SEMA3A: variants seen among roughly 807,000 people sequenced by gnomAD.
The protein encoded by SEMA3A is semaphorin 3A.
Under a neutral mutation model 97.9 loss-of-function variants are expected in SEMA3A, and 29 were observed. The ratio of observed to expected loss-of-function variants is 0.30; its 90% CI spans 0.22 to 0.40. The LOEUF (loss-of-function observed/expected upper bound fraction) is 0.40, where lower values mean the gene tolerates loss of function less well. SEMA3A is among the 10% of genes least tolerant of loss of function. The pLI is 1.00. For missense variants in SEMA3A, 763 were observed against 951.3 expected (o/e 0.80, Z 2.60); for synonymous variants, 321 against 323.7 (o/e 0.99, Z 0.09).
At chr7:84,157,687 T>A (rs1024846080) in intron 1 of SEMA3A, among the ~76,000 whole-genome samples, 22 of 152,336 alleles carry the variant, frequency 1.4e-4, no homozygotes, top group South Asian at 6.2e-4. Context: ...ATTTGGAAAG[T>A]CATTGTTAAC....
At chr7:84,383,643 G>T (rs1229051401) in intron 1 of SEMA3A, among the ~76,000 whole-genome samples, 1 of 152,100 alleles carries the variant, frequency 6.6e-6, no homozygotes, top group Non-Finnish European at 1.5e-5. Flanking sequence ...AGAACAGATT[G>T]CCATCCAAAT....
At chr7:83,970,968 C>G (rs554605221) in intron 15 of SEMA3A, among the ~76,000 whole-genome samples, 2 of 152,138 alleles carry the variant, frequency 1.3e-5, no homozygotes, top group African/African-American at 4.8e-5. Context: ...ACAATAGATG[C>G]TCTATCAGTA....
intron 1 of SEMA3A, among the ~76,000 whole-genome samples, chr7:84,150,013 A>T (rs1197246428): frequency 1.3e-5 from 2 of 152,204 alleles, no homozygotes; most frequent in Non-Finnish European, 2.9e-5. Context: ...TTTTGCATGT[A>T]AAGAGTTTAA....
At chr7:84,319,993 G>T (rs73386924) in intron 2 of SEMA3A, among the ~76,000 whole-genome samples, 3 of 152,060 alleles carry the variant, frequency 2.0e-5, no homozygotes, top group African/African-American at 7.2e-5. Context: ...GAAAGTAAAT[G>T]ATTTCTTTTT....
At chr7:84,443,880 CTTT>C (rs71078831) in intron 1 of SEMA3A, among the ~76,000 whole-genome samples, 4 of 92,422 alleles carry the variant, frequency 4.3e-5, no homozygotes, top group African/African-American at 1.2e-4. Flanking sequence ...GTGCTTTGTC[CTTT>C]TTTTTTTTTT....
chr7:84,404,144 GA>G (rs1004199031), intron 1 of SEMA3A, among the ~76,000 whole-genome samples: 1 of 151,776 alleles, frequency 6.6e-6, no homozygotes, highest in South Asian at 2.1e-4. Flanking sequence ...TAAAAACTTT[GA>G]AAAAAAATTA....
At chr7:84,232,402 T>C (rs1050390787) in intron 3 of SEMA3A, among the ~76,000 whole-genome samples, 4 of 151,078 alleles carry the variant, frequency 2.6e-5, no homozygotes, top group African/African-American at 9.7e-5. Flanking sequence ...TTTTAATATA[T>C]GTCTGTGATA....
rs995825691 is a variant in SEMA3A, at chr7:84,452,386, A to G, written c.-246+40074T>C. ...CAAGGCCATGGGCACCTTAGTGGAGAATGAATCCTATTGTTTGAGAGTTGA... is the reference window on the plus strand; with the variant it reads ...CAAGGCCATGGGCACCTTAGTGGAGGATGAATCCTATTGTTTGAGAGTTGA... On this transcript the variant is annotated intron_variant, in intron 1 of 3. Transcript: ENST00000424555. 3.3e-5 allele frequency among the ~76,000 whole-genome samples: 5 copies of G among 152,296 alleles called. 1 individual carries two copies. The highest frequency in any genetic ancestry group is 3.4e-3 in the Middle Eastern group (1 of 294).
intron 1 of SEMA3A, among the ~76,000 whole-genome samples, chr7:84,181,094 T>C (rs1183652744): frequency 6.6e-6 from 1 of 152,098 alleles, no homozygotes; most frequent in Non-Finnish European, 1.5e-5. Context: ...TGGTTAAATA[T>C]CTGCCAGTGA....
intron 1 of SEMA3A, 121 bp from the exon 2 acceptor site, chr7:84,135,072 C>T (rs1796083186): frequency 9.0e-6 from 6 of 663,054 alleles, no homozygotes; most frequent in Non-Finnish European, 1.4e-5. Context: ...GCTTATTCTT[C>T]AGGGTACTAA....
intron 3 of SEMA3A, among the ~76,000 whole-genome samples, chr7:84,264,667 A>C (rs561658426): frequency 6.6e-6 from 1 of 152,316 alleles, no homozygotes; most frequent in African/African-American, 2.4e-5. Context: ...CATGCCTAGA[A>C]AAACAAAATC....
chr7:84,143,654 CA>C (rs895861838), intron 1 of SEMA3A, among the ~76,000 whole-genome samples: 2 of 151,328 alleles, frequency 1.3e-5, no homozygotes, highest in Non-Finnish European at 2.9e-5. Context: ...CCAGGAGTTC[CA>C]GACCAGCCTC....
At chr7:84,352,663 G>C (rs899750059) in intron 2 of SEMA3A, among the ~76,000 whole-genome samples, 1 of 151,826 alleles carries the variant, frequency 6.6e-6, no homozygotes. Flanking sequence ...TGAGCTGTGA[G>C]GCATCTTAAG....
intron 3 of SEMA3A, among the ~76,000 whole-genome samples, chr7:84,116,457 T>G (rs192799732): frequency 6.6e-6 from 1 of 152,172 alleles, no homozygotes; most frequent in Non-Finnish European, 1.5e-5. Flanking sequence ...CAAATGCCCA[T>G]AGGGTAAATG....
At chr7:84,070,558 T>A (rs956872258) in intron 4 of SEMA3A, among the ~76,000 whole-genome samples, 1 of 152,162 alleles carries the variant, frequency 6.6e-6, no homozygotes, top group Admixed American at 6.6e-5. Flanking sequence ...ATATATGTGA[T>A]AGGATGAATA....
At chr7:84,329,250 T>C (rs1801851319) in intron 2 of SEMA3A, among the ~76,000 whole-genome samples, 1 of 152,000 alleles carries the variant, frequency 6.6e-6, no homozygotes, top group Non-Finnish European at 1.5e-5. Context: ...TACACGTAAT[T>C]TTCTGTTTCA....
At chr7:84,301,623 C>T (rs1293026328) in intron 3 of SEMA3A, among the ~76,000 whole-genome samples, 2 of 152,056 alleles carry the variant, frequency 1.3e-5, no homozygotes, top group East Asian at 3.9e-4. Flanking sequence ...GTTTTAAGGG[C>T]TGAATAGTAA....
At chr7:84,471,108 A>C (rs576114149) in intron 1 of SEMA3A, among the ~76,000 whole-genome samples, 15 of 152,232 alleles carry the variant, frequency 9.9e-5, no homozygotes, top group African/African-American at 2.6e-4. Context: ...ATACACAAAT[A>C]GACTGCTTTT....
intron 3 of SEMA3A, among the ~76,000 whole-genome samples, chr7:84,225,063 G>A (rs1798960246): frequency 6.6e-6 from 1 of 151,996 alleles, no homozygotes; most frequent in Non-Finnish European, 1.5e-5. Flanking sequence ...AGGCCTAATA[G>A]GAAATACTTT....
Sources: gnomAD v4.1 joint callset for allele counts (sites outside exome capture counted in the v4.1 genomes callset) on GRCh38, gnomAD v4.1.1 for gene constraint, MANE v1.5 for transcripts, NCBI Gene and HGNC (gene_info 2026-07-23, HGNC 2026-07-21) for gene names.